The following IFT140 variants were observed in gnomAD, a reference collection of about 807,000 sequenced individuals.
IFT140 encodes intraflagellar transport protein 140 homolog.
Under a neutral mutation model 164.6 loss-of-function variants are expected in IFT140, and 133 were observed. The observed-to-expected ratio is 0.81, with a 90% confidence interval of 0.70 to 0.93. The LOEUF (loss-of-function observed/expected upper bound fraction) is 0.93, where lower values mean the gene tolerates loss of function less well. IFT140 is among the 40% of genes least tolerant of loss of function. IFT140 has a pLI of 0.00. For missense variants in IFT140, 2,045 were observed against 1,972.3 expected, an observed-to-expected ratio of 1.04 and a Z score of -0.70; for synonymous variants, 860 against 817.3, an observed-to-expected ratio of 1.05 and a Z score of -0.89.
At chr16:1,573,372 A>C (rs1014262528) in intron 13 of IFT140, among the ~76,000 whole-genome samples, 1 of 151,716 alleles carries the variant, frequency 6.6e-6, no homozygotes, top group Non-Finnish European at 1.5e-5. Flanking sequence ...TTCAGATCTG[A>C]GCTCAACTCT....
rs2032485103 is a variant in IFT140 at position 1,549,816 on chromosome 16, GTCCC to G, written c.2399+8115_2399+8118del. On this transcript the variant is annotated intron_variant, in intron 19 of 30. Coordinates refer to ENST00000426508, the MANE Select transcript of IFT140 (RefSeq NM_014714.4). ...CCCTGTTCCCTCCTGCTTTGTGACG[GTCCC>G]TGCCTGTTAGGCTTGCTGTTTACAC... Among the ~76,000 whole-genome samples, 3 of 152,156 alleles carry G rather than the reference GTCCC, an allele frequency of 2.0e-5. No homozygotes were observed. The South Asian group carries it at 6.2e-4, about 32-fold the overall frequency.
chr16:1,527,949 CT>C (rs887163752), intron 19 of IFT140, among the ~76,000 whole-genome samples: 4 of 152,218 alleles, frequency 2.6e-5, no homozygotes, highest in African/African-American at 9.6e-5. Flanking sequence ...TGACTGAGGA[CT>C]TGGTTTGTGT....
rs755596826 is a variant in IFT140 at position 1,520,008 on chromosome 16, C to T, written c.3913G>A (p.Gly1305Arg). ...DEYQNYDKAH[G>R]ALTEAYKCLA... ...CACTTGTAGGCCTCGGTCAGCGCCC[C>T]GTGGGCTTTGTCGTAGTTCTGGTAT... Residue 1305 changes from glycine to arginine, a missense_variant, in exon 29 of 31, where the codon GGG (glycine) becomes AGG (arginine). Transcript: ENST00000426508. The T allele has an allele frequency of 1.6e-5, 26 of 1,602,816 alleles. No individual in the cohort carries two copies. The highest frequency in any genetic ancestry group is 1.0e-4 in the Admixed American group (6 of 58,200).
chr16:1,526,558 G>A, intron 20 of IFT140, 61 bp downstream of exon 20: 2 of 1,422,486 alleles, frequency 1.4e-6, no homozygotes, highest in Non-Finnish European at 1.8e-6. Context: ...CCTTCCCCAG[G>A]GGGCCGTGGC....
At chr16:1,587,520 A>G (rs1377798517) in intron 8 of IFT140, among the ~76,000 whole-genome samples, 5 of 152,356 alleles carry the variant, frequency 3.3e-5, no homozygotes, top group African/African-American at 9.6e-5. Flanking sequence ...TGGTTTGTAT[A>G]TGGCAGGAGG....
intron 4 of IFT140, among the ~76,000 whole-genome samples, chr16:1,597,276 C>T (rs2035512492): frequency 6.6e-6 from 1 of 152,194 alleles, no homozygotes; most frequent in Admixed American, 6.5e-5. Context: ...TCTAAGGACA[C>T]TTAGTGGGAA....
At chr16:1,560,004 C>T (rs2033317221) in intron 18 of IFT140, among the ~76,000 whole-genome samples, 1 of 152,194 alleles carries the variant, frequency 6.6e-6, no homozygotes, top group Admixed American at 6.5e-5. Context: ...GTGCAAGACA[C>T]AAACGCCACC....
chr16:1,589,602 C>G lies in IFT140; in HGVS notation c.810+3G>C. The G allele has an allele frequency of 6.2e-7, 1 of 1,612,718 alleles. No individual in the cohort carries two copies. The highest frequency in any genetic ancestry group is 8.5e-7 in the Non-Finnish European group (1 of 1,178,808). On this transcript the variant is annotated splice_donor_region_variant and intron_variant, in intron 7 of 30. Transcript: ENST00000426508. ...GTGAGCCCCCAAGCCCACTCCCACT[C>G]ACCTTCATCACTTCTTCTGCTTTGC... is the stretch of plus-strand genomic sequence containing the variant.
chr16:1,584,581 C>T (rs768141307), intron 10 of IFT140, among the ~76,000 whole-genome samples, 161 bp from the exon 11 acceptor site: 43 of 152,086 alleles, frequency 2.8e-4, no homozygotes, highest in Non-Finnish European at 5.7e-4. Flanking sequence ...TAAGAAAAGT[C>T]TTATAAAGGT....
Position 1,607,161 on chromosome 16 carries a change from T to G in IFT140, c.106A>C (p.Ser36Arg). 3.1e-6 allele frequency: 5 copies of G among 1,614,142 alleles called. No homozygotes were observed. Among genetic ancestry groups the G allele is most frequent in the Non-Finnish European group, 4.2e-6 (5 of 1,180,028 alleles). The stretch of plus-strand genomic sequence containing the variant: ...TCCACGCTGCCTGTTGAGGTTGTGC[T>G]GATGTAAGCAACTGCCAAGAATGGA... Reference protein sequence around the residue: ...VHPFLAVAYISTTSTGSVDIY... With the variant: ...VHPFLAVAYIRTTSTGSVDIY... The change falls in exon 3 of 31, where the codon AGC becomes CGC. Residue 36 changes from serine (S) to arginine (R), a missense_variant. By Grantham distance (110) the Ser-to-Arg change is moderately radical (BLOSUM62 -1). Transcript: ENST00000426508.
intron 19 of IFT140, among the ~76,000 whole-genome samples, chr16:1,549,032 G>GCAC (rs1195404297): frequency 6.6e-6 from 1 of 152,214 alleles, no homozygotes; most frequent in Non-Finnish European, 1.5e-5. Context: ...CAGCAGCGGT[G>GCAC]CCCCTGCCTG....
chr16:1,583,396 A>G lies in IFT140; in HGVS notation c.1360-10T>C. 1.2e-6 allele frequency: 2 copies of G among 1,613,742 alleles called. No individual in the cohort carries two copies. Reference sequence around the variant, plus strand: ...AGACTGCGACAGCATCCTGAAAAGAACCACGGACATTCGAGGCAAAGGGCG... The same window carrying G: ...AGACTGCGACAGCATCCTGAAAAGAGCCACGGACATTCGAGGCAAAGGGCG... On this transcript the variant is annotated splice_polypyrimidine_tract_variant and intron_variant, in intron 11 of 30. Coordinates refer to ENST00000426508, the MANE Select transcript of IFT140 (RefSeq NM_014714.4).
chr16:1,605,057 C>T (rs1422839130), intron 3 of IFT140, among the ~76,000 whole-genome samples: 1 of 152,178 alleles, frequency 6.6e-6, no homozygotes, highest in South Asian at 2.1e-4. Context: ...AACTTCTAGG[C>T]AGGAGATGTA....
At chr16:1,563,629 T>C (rs2033548497) in intron 17 of IFT140, among the ~76,000 whole-genome samples, 1 of 151,962 alleles carries the variant, frequency 6.6e-6, no homozygotes, top group African/African-American at 2.4e-5. Flanking sequence ...TCTGCATAGC[T>C]CAAAACAGAC....
At chr16:1,603,710 T>C (rs1449556725) in intron 3 of IFT140, among the ~76,000 whole-genome samples, 1 of 152,200 alleles carries the variant, frequency 6.6e-6, no homozygotes, top group Non-Finnish European at 1.5e-5. Flanking sequence ...CTCAAACTCC[T>C]GACTTCATGA....
chr16:1,593,433 T>G (rs1262296052), intron 4 of IFT140, among the ~76,000 whole-genome samples: 1 of 151,964 alleles, frequency 6.6e-6, no homozygotes, highest in Non-Finnish European at 1.5e-5. Context: ...TGCCTCAGCC[T>G]CCTGAGTAGC....
intron 6 of IFT140, among the ~76,000 whole-genome samples, chr16:1,590,026 G>A (rs546294162): frequency 6.6e-6 from 1 of 151,894 alleles, no homozygotes; most frequent in Non-Finnish European, 1.5e-5. Flanking sequence ...GTGAAATCCT[G>A]TCTATACTAA....
chr16:1,602,650 C>A lies in IFT140; in HGVS notation c.148-59G>T, dbSNP rs1211740232. 8 of 1,530,650 alleles carry A rather than the reference C, an allele frequency of 5.2e-6. No homozygotes were observed. In the African/African-American group the frequency reaches 9.5e-5, roughly 18 times the overall value. 94.8% of individuals were successfully genotyped at this position (1,530,650 alleles called of 1,614,324 possible). A position where few individuals can be genotyped will look rare whatever the true frequency, so the allele number is the denominator to read the frequency against. On this transcript the variant is annotated intron_variant, in intron 3 of 30. Coordinates refer to ENST00000426508, the MANE Select transcript of IFT140 (RefSeq NM_014714.4). ...AGAGAGGGACAGCTACTTTTAAGAA[C>A]TTCTGTCTAGGCCGGGCACGGCGGC...
chr16:1,520,136 C>T lies in IFT140; in HGVS notation c.3868G>A (p.Ala1290Thr), dbSNP rs1412320312. ...ATGCCAGGGAGGGCCTGCACCTGGG[C>T]ACAAGCGTCATAAAAGCCAGCCAGG... Reference protein sequence around the residue: ...DLLAGFYDACAQVEIDEYQNY... With the variant: ...DLLAGFYDACTQVEIDEYQNY... The change falls in exon 28 of 31, where the codon GCC becomes ACC. Residue 1290 changes from alanine to threonine, a missense_variant. Transcript: ENST00000426508. 3 of 1,613,960 alleles carry T rather than the reference C, an allele frequency of 1.9e-6. No homozygotes were observed. The highest frequency in any genetic ancestry group is 2.5e-6 in the Non-Finnish European group (3 of 1,179,956).
Sources: gnomAD v4.1 joint callset for allele counts (sites outside exome capture counted in the v4.1 genomes callset) on GRCh38, gnomAD v4.1.1 for gene constraint, MANE v1.5 for transcripts, NCBI Gene and HGNC (gene_info 2026-07-23, HGNC 2026-07-21) for gene names.